Variants in UGT1A8 observed in about 807,000 individuals in gnomAD.
UGT1A8 encodes UDP-glucuronosyltransferase 1A8.
A neutral mutation model predicts 45.3 loss-of-function variants in UGT1A8; 39 were observed. That is an observed-to-expected ratio of 0.86 (90% CI 0.67 to 1.12). The LOEUF is 1.12. UGT1A8 is among the 50% of genes most tolerant of loss of function. The pLI is 0.00. For missense variants in UGT1A8, 719 were observed against 664.9 expected (o/e 1.08, Z -0.90); for synonymous variants, 275 against 249.2 (o/e 1.10, Z -0.97).
At position 233,713,263 on chromosome 2, in the gene UGT1A8, G is replaced by A. The variant is rs146477190; in HGVS notation, c.856-53771G>A. On this transcript the variant is annotated intron_variant, in intron 1 of 4. Transcript: ENST00000373450. ...TCATGGACCCAGGACGAATTTGATC[G>A]CCTTTTGCTGGGTCACACTCAATCG... 2.3e-4 allele frequency: 375 copies of A among 1,614,196 alleles called. 3 individuals are homozygous for A. The highest frequency in any genetic ancestry group is 2.3e-3 in the Middle Eastern group (14 of 6,062).
intron 1 of UGT1A8, chr2:233,690,422 G>C (rs1387802113): frequency 7.3e-6 from 9 of 1,238,038 alleles, no homozygotes; most frequent in Non-Finnish European, 2.1e-6. Flanking sequence ...TTACCTTCAT[G>C]CACATCTTTG....
intron 1 of UGT1A8, among the ~76,000 whole-genome samples, chr2:233,627,183 G>GT (rs762139018): frequency 2.6e-5 from 4 of 151,788 alleles, no homozygotes; most frequent in East Asian, 3.9e-4. Flanking sequence ...TTTTGTTTTT[G>GT]TTTTTTTCCA....
At chr2:233,625,107 A>G (rs2073067942) in intron 1 of UGT1A8, among the ~76,000 whole-genome samples, 1 of 152,126 alleles carries the variant, frequency 6.6e-6, no homozygotes, top group African/African-American at 2.4e-5. Flanking sequence ...TTTGGATGTT[A>G]TTAGTATTAT....
At chr2:233,747,632 C>T in intron 1 of UGT1A8, 1 of 1,580,404 alleles carries the variant, frequency 6.3e-7, no homozygotes, top group Non-Finnish European at 8.7e-7. Flanking sequence ...TGATCAGGCA[C>T]CTGAATGCTA....
At chr2:233,749,453 C>T (rs1313864160) in intron 1 of UGT1A8, among the ~76,000 whole-genome samples, 3 of 151,804 alleles carry the variant, frequency 2.0e-5, no homozygotes, top group Non-Finnish European at 2.9e-5. Flanking sequence ...TGGAGCAGAA[C>T]GAATTGGGAA....
At chr2:233,704,157 C>G (rs772376683) in intron 1 of UGT1A8, among the ~76,000 whole-genome samples, 50 of 151,974 alleles carry the variant, frequency 3.3e-4, no homozygotes, top group Non-Finnish European at 5.0e-4. Flanking sequence ...TTTCAAAGTA[C>G]TGGGATTACA....
At chr2:233,677,001 T>G (rs970959600) in intron 1 of UGT1A8, among the ~76,000 whole-genome samples, 6 of 152,176 alleles carry the variant, frequency 3.9e-5, no homozygotes, top group Non-Finnish European at 8.8e-5. Flanking sequence ...CCTCTAATTT[T>G]TTTTTTCAAA....
chr2:233,703,927 G>T (rs1468574545), intron 1 of UGT1A8, among the ~76,000 whole-genome samples: 2 of 150,936 alleles, frequency 1.3e-5, no homozygotes, highest in African/African-American at 4.9e-5. Context: ...ATCTCATTCT[G>T]TTACCCAGAC....
intron 1 of UGT1A8, among the ~76,000 whole-genome samples, chr2:233,764,077 A>T (rs1698472611): frequency 6.6e-6 from 1 of 152,230 alleles, no homozygotes; most frequent in Non-Finnish European, 1.5e-5. Flanking sequence ...GGGAAAATCT[A>T]ATTAAAAGCC....
Position 233,743,944 on chromosome 2 carries a change from C to G in UGT1A8, c.856-23090C>G, listed in dbSNP as rs558062868. 11 of 1,351,522 alleles carry G rather than the reference C, an allele frequency of 8.1e-6. No individual in the cohort carries two copies. In the Admixed American group the frequency reaches 1.2e-4, roughly 14 times the overall value. The allele number at this position is 1,351,522 out of a possible 1,614,324, so 83.7% of individuals were successfully genotyped here. A position where few individuals can be genotyped will look rare whatever the true frequency, so the allele number is the denominator to read the frequency against. ...TGGATGGCCAGAACGGCCCACCAGG[C>G]ACTGGCACAGCGAGCGGCAAGGCTG... On this transcript the variant is annotated intron_variant, in intron 1 of 4. Transcript: ENST00000373450.
rs539583622 is a variant in UGT1A8, at chr2:233,630,839, T to C, written c.855+12277T>C. ...TTTTTTTTTTCCTGCTCTAAAACTC[T>C]TTTTTTTTTTTTATACTTTAAGTTC... On this transcript the variant is annotated intron_variant, in intron 1 of 4. Coordinates refer to ENST00000373450, the MANE Select transcript of UGT1A8 (RefSeq NM_019076.5). Among the ~76,000 whole-genome samples the C allele has an allele frequency of 9.5e-4, 135 of 142,236 alleles. 4 individuals are homozygous for C. In the South Asian group the frequency reaches 0.028, roughly 30 times the overall value. 93.3% of individuals were successfully genotyped at this position (142,236 alleles called of 152,430 possible). A position where few individuals can be genotyped will look rare whatever the true frequency, so the allele number is the denominator to read the frequency against.
chr2:233,620,750 C>T (rs2072988312), intron 1 of UGT1A8, among the ~76,000 whole-genome samples: 1 of 152,084 alleles, frequency 6.6e-6, no homozygotes. Flanking sequence ...TGTCAAAGAG[C>T]CTTGGATATG....
intron 1 of UGT1A8, among the ~76,000 whole-genome samples, chr2:233,764,956 C>T (rs371892810): frequency 2.6e-5 from 4 of 152,042 alleles, no homozygotes; most frequent in Non-Finnish European, 5.9e-5. Context: ...AGAGAGGGCT[C>T]ACCTTGGGAG....
chr2:233,643,763 G>T (rs1010875954), intron 1 of UGT1A8, among the ~76,000 whole-genome samples: 1 of 152,114 alleles, frequency 6.6e-6, no homozygotes, highest in African/African-American at 2.4e-5. Flanking sequence ...GTTAGCAGGC[G>T]ATGAACGCTG....
At chr2:233,678,082 C>A (rs1480839937) in intron 1 of UGT1A8, among the ~76,000 whole-genome samples, 1 of 152,124 alleles carries the variant, frequency 6.6e-6, no homozygotes, top group Non-Finnish European at 1.5e-5. Flanking sequence ...ACACCAAATA[C>A]CATTGTTTTC....
At chr2:233,722,847 T>TATGAAGACACTACTTAAAAAA (rs1484611213) in intron 1 of UGT1A8, among the ~76,000 whole-genome samples, 1 of 139,226 alleles carries the variant, frequency 7.2e-6, no homozygotes, top group Non-Finnish European at 1.5e-5. Context: ...GAATGTTTCT[T>TATGAAGACACTACTTAAAAAA]TTTTTTTTTT....
chr2:233,622,183 A>G (rs1013720387), intron 1 of UGT1A8, among the ~76,000 whole-genome samples: 38 of 152,314 alleles, frequency 2.5e-4, no homozygotes, highest in African/African-American at 8.9e-4. Context: ...TAGTGCTGCA[A>G]TAAACATACG....
chr2:233,713,208 A>G (rs528463880), intron 1 of UGT1A8: 3 of 1,614,188 alleles, frequency 1.9e-6, no homozygotes, highest in Non-Finnish European at 2.5e-6. Flanking sequence ...CAAAGAAGAG[A>G]ACTTTTTCAC....
At chr2:233,715,797 G>A (rs139277356) in intron 1 of UGT1A8, among the ~76,000 whole-genome samples, 22 of 152,256 alleles carry the variant, frequency 1.4e-4, no homozygotes, top group African/African-American at 4.8e-4. Flanking sequence ...TATTTGGAAT[G>A]TGAAAATCTT....
Sources: allele counts gnomAD v4.1 joint callset (sites outside exome capture counted in the v4.1 genomes callset), GRCh38; gene constraint gnomAD v4.1.1; transcripts MANE v1.5; gene names NCBI Gene and HGNC (gene_info 2026-07-23, HGNC 2026-07-21).